AGO4: variants seen among roughly 807,000 people sequenced by gnomAD.
AGO4 encodes the protein protein argonaute-4.
AGO4 carries 33 observed loss-of-function variants against 104.7 expected under a neutral mutation model. The observed-to-expected ratio is 0.32, with a 90% CI of 0.24 to 0.42. The LOEUF is 0.42. Ranked by LOEUF, AGO4 falls within the 10% of genes least tolerant of loss-of-function variation. The pLI is 1.00. For missense variants in AGO4, 711 were observed against 1,083.4 expected (o/e 0.66, Z 4.83); for synonymous variants, 331 against 364.7 (o/e 0.91, Z 1.05).
At chr1:35,835,427 A>G (rs1365906806) in intron 12 of AGO4, among the ~76,000 whole-genome samples, 3 of 152,188 alleles carry the variant, frequency 2.0e-5, no homozygotes, top group African/African-American at 7.2e-5. Flanking sequence ...AAGAAAGAAA[A>G]AGGAAGCAAA....
chr1:35,813,903 G>A (rs1188030000), intron 1 of AGO4, among the ~76,000 whole-genome samples: 4 of 151,734 alleles, frequency 2.6e-5, no homozygotes, highest in Non-Finnish European at 4.4e-5. Flanking sequence ...GTGAAACCCC[G>A]TCTCTACTAA....
chr1:35,853,015 C>T (rs1477707578), intron 17 of AGO4, among the ~76,000 whole-genome samples: 2 of 152,088 alleles, frequency 1.3e-5, no homozygotes, highest in African/African-American at 4.8e-5. Flanking sequence ...CTTTGGGAGG[C>T]CGAGGCAGGC....
intron 7 of AGO4, among the ~76,000 whole-genome samples, chr1:35,827,790 C>CTTTTTTTTTTTTTTTTTTTTTTTTT (rs142432459): frequency 9.6e-6 from 1 of 103,848 alleles, no homozygotes; most frequent in Non-Finnish European, 1.9e-5. Context: ...TGTTGTTATT[C>CTTTTTTTTTTTTTTTTTTTTTTTTT]TTTTTTTTTT....
rs991897452 is a variant in AGO4, at chr1:35,826,681, A to AT, written c.761-64dup. 266 of 1,321,862 alleles carry AT rather than the reference A, an allele frequency of 2.0e-4. 1 individual carries two copies. Among genetic ancestry groups the AT allele is most frequent in the Middle Eastern group, 9.0e-4 (5 of 5,568 alleles). 81.9% of individuals were successfully genotyped at this position (1,321,862 alleles called of 1,614,324 possible). On this transcript the variant is annotated intron_variant, in intron 6 of 17. Transcript: ENST00000373210. Reference sequence around the variant, plus strand: ...AATGTCATGACATTTTGAAGACAACATTTGAATCTGTTTTTGCCACTGTGA... The same window carrying AT: ...AATGTCATGACATTTTGAAGACAACATTTTGAATCTGTTTTTGCCACTGTGA...
intron 15 of AGO4, among the ~76,000 whole-genome samples, chr1:35,847,445 G>T (rs935654318): frequency 6.6e-6 from 1 of 152,026 alleles, no homozygotes; most frequent in African/African-American, 2.4e-5. Flanking sequence ...TGTTGGCCAG[G>T]CTGGTCTTGA....
intron 13 of AGO4, among the ~76,000 whole-genome samples, chr1:35,837,777 G>A (rs1463122087): frequency 6.6e-6 from 1 of 152,090 alleles, no homozygotes; most frequent in African/African-American, 2.4e-5. Flanking sequence ...GTTCTTTGTG[G>A]TTTCTGGTCC....
chr1:35,849,313 C>A (rs1406961117), intron 15 of AGO4, among the ~76,000 whole-genome samples: 1 of 152,040 alleles, frequency 6.6e-6, no homozygotes, highest in Non-Finnish European at 1.5e-5. Context: ...AGATCTGAAA[C>A]TGATTTTTTA....
intron 13 of AGO4, 123 bp downstream of exon 13, chr1:35,836,116 A>T (rs2148672481): frequency 9.7e-7 from 1 of 1,033,258 alleles, no homozygotes; most frequent in East Asian, 2.6e-5. Context: ...ATGCACCCAT[A>T]TACCCAATTC....
At chr1:35,826,085 T>C in intron 6 of AGO4, 25 bp downstream of exon 6, 3 of 1,612,276 alleles carry the variant, frequency 1.9e-6, no homozygotes, top group Non-Finnish European at 2.5e-6. Flanking sequence ...TAATGTAGTC[T>C]TGGAGAAGCA....
rs567327283 is a variant in AGO4 at position 35,817,215 on chromosome 1, C to T, written c.185+168C>T. The stretch of plus-strand genomic sequence containing the variant: ...CATGCTTGGTTATCCTCTGTAGGCT[C>T]TAGCAAAGTGCTGGATATATTATTA... On this transcript the variant is annotated intron_variant, in intron 2 of 17. Coordinates refer to ENST00000373210, the MANE Select transcript of AGO4 (RefSeq NM_017629.4). Among the ~76,000 whole-genome samples the T allele has an allele frequency of 2.6e-5, 4 of 152,228 alleles. No homozygotes were observed. The South Asian group carries it at 8.3e-4, about 32-fold the overall frequency.
At chr1:35,853,386 A>C in intron 17 of AGO4, 111 bp from the exon 18 acceptor site, 1 of 746,934 alleles carries the variant, frequency 1.3e-6, no homozygotes, top group Non-Finnish European at 2.2e-6. Context: ...AAACGTGTGA[A>C]GTTTGAAGTG....
At position 35,855,817 on chromosome 1, in the gene AGO4, G is replaced by A. The variant is rs1268090172; in HGVS notation, c.*2212G>A. ...TCTGGACCCAAGAGGAGGAAAAAACGGAAGCTTTTTTAGGAGAAGGAGGAC... is the reference window on the plus strand; with the variant it reads ...TCTGGACCCAAGAGGAGGAAAAAACAGAAGCTTTTTTAGGAGAAGGAGGAC... On this transcript the variant is annotated 3_prime_UTR_variant, in exon 18 of 18. Coordinates refer to ENST00000373210, the MANE Select transcript of AGO4 (RefSeq NM_017629.4). 6.6e-6 allele frequency: 1 copy of A among 152,190 alleles called. No homozygotes were observed. The highest frequency in any genetic ancestry group is 1.5e-5 in the Non-Finnish European group (1 of 68,046). 9.4% of individuals were successfully genotyped at this position (152,190 alleles called of 1,614,324 possible). A position where few individuals can be genotyped will look rare whatever the true frequency, so the allele number is the denominator to read the frequency against.
chr1:35,851,254 T>C, intron 17 of AGO4: 1 of 606,346 alleles, frequency 1.6e-6, no homozygotes, highest in Non-Finnish European at 2.9e-6. Flanking sequence ...ACTTGTGTTG[T>C]GTCTCTAAAG....
At chr1:35,829,774 G>T (rs1332851747) in intron 7 of AGO4, among the ~76,000 whole-genome samples, 1 of 150,106 alleles carries the variant, frequency 6.7e-6, no homozygotes, top group African/African-American at 2.5e-5. Flanking sequence ...ACTTGAACCC[G>T]GGAGGCAGAG....
intron 1 of AGO4, among the ~76,000 whole-genome samples, chr1:35,811,367 C>T (rs1643497836): frequency 6.6e-6 from 1 of 150,756 alleles, no homozygotes; most frequent in Non-Finnish European, 1.5e-5. Context: ...GAGGCTGCTG[C>T]AGGAGAATCG....
chr1:35,823,250 A>C (rs1643926355), intron 3 of AGO4, among the ~76,000 whole-genome samples: 1 of 151,568 alleles, frequency 6.6e-6, no homozygotes, highest in Non-Finnish European at 1.5e-5. Flanking sequence ...CAATTCTTAG[A>C]AATTTTTTTT....
chr1:35,848,773 T>C (rs1219699750), intron 15 of AGO4, among the ~76,000 whole-genome samples: 2 of 152,134 alleles, frequency 1.3e-5, no homozygotes, highest in African/African-American at 4.8e-5. Flanking sequence ...TTTGATCCCA[T>C]ATTTCTCAGG....
intron 7 of AGO4, among the ~76,000 whole-genome samples, chr1:35,828,217 C>G (rs889482597): frequency 6.6e-6 from 1 of 151,940 alleles, no homozygotes; most frequent in Non-Finnish European, 1.5e-5. Flanking sequence ...GTGCTTGGCA[C>G]CGTCATGGCC....
chr1:35,844,702 C>G (rs1363891688), intron 15 of AGO4, among the ~76,000 whole-genome samples: 2 of 152,116 alleles, frequency 1.3e-5, no homozygotes, highest in African/African-American at 4.8e-5. Context: ...TTCTCTAGAG[C>G]CTTACTTGGT....
Sources: allele counts gnomAD v4.1 joint callset (sites outside exome capture counted in the v4.1 genomes callset), GRCh38; gene constraint gnomAD v4.1.1; transcripts MANE v1.5; gene names NCBI Gene and HGNC (gene_info 2026-07-23, HGNC 2026-07-21).